OSBP2: variants seen among roughly 807,000 people sequenced by gnomAD.
OSBP2 encodes the protein oxysterol-binding protein 2.
Under a neutral mutation model 96.0 loss-of-function variants are expected in OSBP2, and 66 were observed. The observed-to-expected ratio is 0.69, with a 90% CI of 0.56 to 0.84. The LOEUF is 0.84. OSBP2 is among the 40% of genes least tolerant of loss of function. The probability of loss-of-function intolerance (pLI) is 0.00; values close to 1 mark genes in which losing one functional copy is unlikely to be tolerated. For synonymous variants in OSBP2, 525 were observed against 520.9 expected (o/e 1.01, Z -0.11); for missense variants, 1,038 against 1,222.7 (o/e 0.85, Z 2.25).
intron 1 of OSBP2, among the ~76,000 whole-genome samples, chr22:30,740,405 C>G (rs1346034056): frequency 6.6e-6 from 1 of 152,162 alleles, no homozygotes; most frequent in Non-Finnish European, 1.5e-5. Flanking sequence ...AATCTTATAG[C>G]CTCCAAATGC....
intron 2 of OSBP2, among the ~76,000 whole-genome samples, chr22:30,810,610 G>T (rs1253044344): frequency 1.3e-5 from 2 of 152,150 alleles, no homozygotes; most frequent in Non-Finnish European, 2.9e-5. Context: ...CTGCAGCCTG[G>T]CCAGAAGACA....
chr22:30,901,051 A>C (rs1051575349), intron 12 of OSBP2, among the ~76,000 whole-genome samples: 1 of 152,172 alleles, frequency 6.6e-6, no homozygotes, highest in Admixed American at 6.5e-5. Context: ...GTTAAAAATA[A>C]AAATTTTTAA....
intron 1 of OSBP2, among the ~76,000 whole-genome samples, chr22:30,730,810 T>TATATAA (rs1491091512): frequency 3.7e-5 from 2 of 54,772 alleles, no homozygotes; most frequent in South Asian, 5.9e-4. Flanking sequence ...ATATATATAA[T>TATATAA]TTTTTTTTTT....
At position 30,774,467 on chromosome 22, in the gene OSBP2, C is replaced by T. The variant is rs181910533; in HGVS notation, c.853+33098C>T. Among the ~76,000 whole-genome samples the T allele has an allele frequency of 3.0e-4, 45 of 152,282 alleles. No individual in the cohort carries two copies. The East Asian group carries it at 3.9e-3, about 13-fold the overall frequency. On this transcript the variant is annotated intron_variant, in intron 2 of 13. Transcript: ENST00000332585. ...TAGCCAGTGGTTTGTGTTATGAATG[C>T]GCCACCACCTTGGGGCCCTTCAGTC...
At chr22:30,737,879 AATTTTTGT>A (rs1361884542) in intron 1 of OSBP2, among the ~76,000 whole-genome samples, 4 of 151,774 alleles carry the variant, frequency 2.6e-5, no homozygotes, top group Admixed American at 2.0e-4. Context: ...ATGCCCTGCT[AATTTTTGT>A]ATTTTTAGTA....
At chr22:30,848,600 A>C (rs571946658) in intron 2 of OSBP2, among the ~76,000 whole-genome samples, 2 of 152,282 alleles carry the variant, frequency 1.3e-5, no homozygotes, top group East Asian at 3.9e-4. Flanking sequence ...ATATCCCCCA[A>C]CATCTTGCTT....
At chr22:30,760,466 T>C (rs542237134) in intron 2 of OSBP2, among the ~76,000 whole-genome samples, 46 of 152,316 alleles carry the variant, frequency 3.0e-4, no homozygotes, top group African/African-American at 1.1e-3. Flanking sequence ...GTGGATTTCA[T>C]GCTAGGAGTG....
chr22:30,716,773 G>A (rs1255003936), intron 1 of OSBP2, among the ~76,000 whole-genome samples: 1 of 152,062 alleles, frequency 6.6e-6, no homozygotes, highest in Non-Finnish European at 1.5e-5. Context: ...TTTGATTTTT[G>A]TTGTTGAGTT....
intron 1 of OSBP2, among the ~76,000 whole-genome samples, chr22:30,705,472 T>A (rs572906617): frequency 2.0e-5 from 3 of 152,140 alleles, no homozygotes; most frequent in Non-Finnish European, 4.4e-5. Context: ...TTTGTATTTT[T>A]AGTAGAGTCG....
chr22:30,843,094 T>C (rs1394376711), intron 2 of OSBP2, among the ~76,000 whole-genome samples: 1 of 152,066 alleles, frequency 6.6e-6, no homozygotes, highest in Non-Finnish European at 1.5e-5. Flanking sequence ...TGCAATTCAG[T>C]TATATCTTGA....
intron 2 of OSBP2, among the ~76,000 whole-genome samples, chr22:30,845,118 C>T (rs1408735825): frequency 6.6e-6 from 1 of 152,150 alleles, no homozygotes; most frequent in Non-Finnish European, 1.5e-5. Context: ...GATAACAGAT[C>T]ATCATAACAG....
Position 30,833,663 on chromosome 22 carries a change from A to G in OSBP2, c.854-36766A>G, listed in dbSNP as rs141668514. ...GAACCAGGATTTAATAGCATTTTAA[A>G]TTGTGTTGAGAATTGAAAACAGTAT... On this transcript the variant is annotated intron_variant, in intron 2 of 13. Transcript: ENST00000332585. Among the ~76,000 whole-genome samples, 212 of 152,346 alleles carry G rather than the reference A, an allele frequency of 1.4e-3. 1 individual carries two copies. Among genetic ancestry groups the G allele is most frequent in the Non-Finnish European group, 8.1e-4 (55 of 68,034 alleles).
intron 1 of OSBP2, among the ~76,000 whole-genome samples, chr22:30,717,090 T>TTTTTTGTG (rs71328866): frequency 2.5e-5 from 3 of 118,318 alleles, no homozygotes; most frequent in African/African-American, 9.5e-5. Flanking sequence ...TTTACTGTTT[T>TTTTTTGTG]TGTGTGTGTG....
intron 2 of OSBP2, among the ~76,000 whole-genome samples, chr22:30,748,720 A>C (rs58467547): frequency 0.12 from 18,896 of 152,260 alleles, 1,927 homozygotes; most frequent in East Asian, 0.36. Context: ...AATCAAGGCA[A>C]GTCACAGAGT....
intron 2 of OSBP2, among the ~76,000 whole-genome samples, chr22:30,830,942 A>G (rs1241372699): frequency 2.6e-5 from 4 of 151,926 alleles, no homozygotes; most frequent in African/African-American, 9.7e-5. Flanking sequence ...TTCCCACGTT[A>G]TCGCAGGCTT....
At chr22:30,730,764 CTCTCTCTCTCTATA>C (rs1569100368) in intron 1 of OSBP2, among the ~76,000 whole-genome samples, 69 of 38,170 alleles carry the variant, frequency 1.8e-3, no homozygotes, top group Non-Finnish European at 2.5e-3. Flanking sequence ...CTCTCTCTCT[CTCTCTCTCTCTATA>C]TATATATATA....
At chr22:30,776,239 C>A (rs2090434703) in intron 2 of OSBP2, among the ~76,000 whole-genome samples, 1 of 151,954 alleles carries the variant, frequency 6.6e-6, no homozygotes, top group South Asian at 2.1e-4. Context: ...AATCCTCCCA[C>A]TTCAGCCTCC....
At chr22:30,886,755 G>A (rs143807501) in intron 3 of OSBP2, among the ~76,000 whole-genome samples, 24 of 152,258 alleles carry the variant, frequency 1.6e-4, no homozygotes, top group African/African-American at 5.5e-4. Flanking sequence ...CTCCCCAGAC[G>A]CCTTAGATAG....
At chr22:30,885,708 G>A (rs1038827182) in intron 3 of OSBP2, among the ~76,000 whole-genome samples, 10 of 152,228 alleles carry the variant, frequency 6.6e-5, no homozygotes, top group Non-Finnish European at 1.3e-4. Context: ...ACAAACCTGA[G>A]GCCTAACACT....
Sources: gnomAD v4.1 joint callset for allele counts (sites outside exome capture counted in the v4.1 genomes callset) on GRCh38, gnomAD v4.1.1 for gene constraint, MANE v1.5 for transcripts, NCBI Gene and HGNC (gene_info 2026-07-23, HGNC 2026-07-21) for gene names.